ZNF503: variants seen among roughly 807,000 people sequenced by gnomAD.
ZNF503 encodes zinc finger protein 503, also known as NocA-like zinc finger 2.
ZNF503 carries 15 observed loss-of-function variants against 34.4 expected under a neutral mutation model. The observed-to-expected ratio is 0.44, with a 90% CI of 0.29 to 0.67. The LOEUF (loss-of-function observed/expected upper bound fraction) is 0.67, where lower values mean the gene tolerates loss of function less well. Among genes scored for constraint, ZNF503 ranks in the 30% least tolerant of loss-of-function variants. The pLI is 0.13. For synonymous variants in ZNF503, 580 were observed against 456.8 expected, an observed-to-expected ratio of 1.27 and a Z score of -3.44; for missense variants, 1,007 against 926.8, an observed-to-expected ratio of 1.09 and a Z score of -1.12.
the ZNF503 span, among the ~76,000 whole-genome samples, chr10:75,336,593 C>T: frequency 1.3e-5 from 2 of 152,154 alleles, no homozygotes; most frequent in Non-Finnish European, 1.5e-5. Flanking sequence ...CTGAAAACAA[C>T]ACCGGTTTAT....
At chr10:75,372,207 C>T in the ZNF503 span, among the ~76,000 whole-genome samples, 1 of 152,254 alleles carries the variant, frequency 6.6e-6, no homozygotes, top group Non-Finnish European at 1.5e-5. Context: ...GCTGGGATTA[C>T]AGGCGTGAGC....
chr10:75,390,057 C>A, the ZNF503 span, among the ~76,000 whole-genome samples: 1 of 152,076 alleles, frequency 6.6e-6, no homozygotes, highest in South Asian at 2.1e-4. Flanking sequence ...CCACGCCCGG[C>A]TAATTTTGTT....
At chr10:75,391,478 G>A in the ZNF503 span, among the ~76,000 whole-genome samples, 97 of 152,316 alleles carry the variant, frequency 6.4e-4, no homozygotes, top group African/African-American at 2.3e-3. Flanking sequence ...GCTCCCCCAA[G>A]CCTGGACTGC....
rs1247056764 is a variant in ZNF503 at position 75,399,752 on chromosome 10, C to G, written c.938G>C (p.Gly313Ala). ...GGKALGSDCG[G>A]SSGSSSGSGP... ...GGAGCCGGAGCTGGAGCCCGATGAA[C>G]CGCCGCAGTCCGAGCCCAGAGCCTT... The change falls in exon 2 of 2, where the codon GGT becomes GCT. Residue 313 changes from glycine (G) to alanine (A), a missense_variant. Transcript: ENST00000372524. The G allele has an allele frequency of 6.3e-7, 1 of 1,592,008 alleles. No homozygotes were observed.
At chr10:75,381,408 G>A in the ZNF503 span, among the ~76,000 whole-genome samples, 4 of 152,020 alleles carry the variant, frequency 2.6e-5, no homozygotes, top group Non-Finnish European at 5.9e-5. Flanking sequence ...GGTAATTTTT[G>A]TAGAGATGAG....
chr10:75,283,008 G>C, the ZNF503 span, among the ~76,000 whole-genome samples: 2 of 152,204 alleles, frequency 1.3e-5, no homozygotes, highest in African/African-American at 4.8e-5. Context: ...TTGCATTATG[G>C]AACCTTGAGT....
At chr10:75,308,103 G>A in the ZNF503 span, among the ~76,000 whole-genome samples, 1 of 151,738 alleles carries the variant, frequency 6.6e-6, no homozygotes, top group Non-Finnish European at 1.5e-5. Flanking sequence ...GTTATGCTAT[G>A]CTGAAGAGAG....
chr10:75,351,481 C>T, the ZNF503 span, among the ~76,000 whole-genome samples: 1 of 152,174 alleles, frequency 6.6e-6, no homozygotes, highest in South Asian at 2.1e-4. Context: ...CAGGAGGTGG[C>T]ATTTTTGAGG....
chr10:75,300,528 C>T, the ZNF503 span, among the ~76,000 whole-genome samples: 1 of 151,992 alleles, frequency 6.6e-6, no homozygotes, highest in South Asian at 2.1e-4. Flanking sequence ...TCACAGTTTA[C>T]GTTTAGAGAT....
In ZNF503 at chr10:75,400,066, C is replaced by G. The variant is rs1422353181; in HGVS notation, c.624G>C (p.Glu208Asp). 6.4e-7 allele frequency: 1 copy of G among 1,574,358 alleles called. No homozygotes were observed. The highest frequency in any genetic ancestry group is 1.8e-5 in the Admixed American group (1 of 55,292). Residue 208 changes from glutamate to aspartate, a missense_variant, in exon 2 of 2, where the codon GAG becomes GAC. Physicochemically the swap from Glu to Asp is conservative, Grantham distance 45 (BLOSUM62 2). Transcript: ENST00000372524. The stretch of plus-strand genomic sequence containing the variant: ...CGCTCGGTACCCGGAATCCCGACTT[C>G]TCCGACGAAACACCCCCGCCGCCGC... ...GGGGGGGVSS[E>D]KSGFRVPSAT...
chr10:75,330,521 C>A, the ZNF503 span, among the ~76,000 whole-genome samples: 16 of 152,126 alleles, frequency 1.1e-4, no homozygotes, highest in African/African-American at 3.6e-4. Context: ...CAGATTGAAT[C>A]TTGTTACTTG....
chr10:75,401,776 T>G (rs1843832062), upstream of ZNF503: 4 of 300,690 alleles, frequency 1.3e-5, no homozygotes, highest in Non-Finnish European at 2.4e-5. Context: ...GCGAGGAAAC[T>G]CACTTCAAAA....
the ZNF503 span, among the ~76,000 whole-genome samples, chr10:75,337,774 T>C: frequency 6.6e-6 from 1 of 152,286 alleles, no homozygotes; most frequent in East Asian, 1.9e-4. Context: ...ACCACTTAGG[T>C]TCAGTGGACC....
In ZNF503 at chr10:75,399,242, G is replaced by A. The variant is rs1206280988; in HGVS notation, c.1448C>T (p.Thr483Met). The change falls in exon 2 of 2, where the codon ACG becomes ATG. Residue 483 changes from threonine (T) to methionine (M), a missense_variant. Coordinates refer to ENST00000372524, the MANE Select transcript of ZNF503 (RefSeq NM_032772.6). Reference sequence around the variant, plus strand: ...TGTGGCGCCAGCAGCCGCGGCGGCCGTTAGCGAGGAGTGCACACCGTGCAG... The same window carrying A: ...TGTGGCGCCAGCAGCCGCGGCGGCCATTAGCGAGGAGTGCACACCGTGCAG... The part of the protein sequence containing the change: ...HPLHGVHSSL[T>M]AAAAAGATPP... 6.3e-7 allele frequency: 1 copy of A among 1,591,628 alleles called. No homozygotes were observed. The highest frequency in any genetic ancestry group is 2.3e-5 in the East Asian group (1 of 44,410).
chr10:75,393,056 T>G (rs897393020), downstream of ZNF503, among the ~76,000 whole-genome samples: 2 of 152,200 alleles, frequency 1.3e-5, no homozygotes, highest in African/African-American at 4.8e-5. Context: ...TATGCTGGTC[T>G]CACTCTAGGA....
chr10:75,396,376 T>C (rs1001518971), downstream of ZNF503, among the ~76,000 whole-genome samples: 14 of 151,522 alleles, frequency 9.2e-5, no homozygotes, highest in African/African-American at 3.4e-4. The surrounding 1 kb of genome is among the most constrained non-coding windows in gnomAD (Gnocchi z 4.4). Context: ...GGAGCCAGAG[T>C]CCCCACCAAG....
rs1363630010 is a variant in ZNF503, at chr10:75,400,048, T to C, written c.642A>G (p.Val214=). ...GVSSEKSGFR[V]PSATCQPFTP... is the part of the protein sequence containing the mutation. ...TGAATGGCTGGCAGGTGGCGCTCGG[T>C]ACCCGGAATCCCGACTTCTCCGACG... The change falls in exon 2 of 2, where the codon GTA becomes GTG. Residue 214 remains valine, a synonymous_variant. Transcript: ENST00000372524. The C allele has an allele frequency of 1.3e-6, 2 of 1,591,998 alleles. No homozygotes were observed. The highest frequency in any genetic ancestry group is 1.7e-6 in the Non-Finnish European group (2 of 1,172,880).
At chr10:75,373,849 C>T in the ZNF503 span, among the ~76,000 whole-genome samples, 2 of 152,190 alleles carry the variant, frequency 1.3e-5, no homozygotes, top group Non-Finnish European at 2.9e-5. Flanking sequence ...GTTTCCTGCC[C>T]ATCTCCAGCT....
intron 1 of ZNF503, 143 bp downstream of exon 1, chr10:75,400,962 G>A: frequency 3.2e-6 from 4 of 1,236,310 alleles, no homozygotes; most frequent in Non-Finnish European, 4.5e-6. Flanking sequence ...TAGTTTTGAG[G>A]TACGGAAGCA....
Sources: gnomAD v4.1 joint callset for allele counts (sites outside exome capture counted in the v4.1 genomes callset) on GRCh38, gnomAD v4.1.1 for gene constraint, Gnocchi (gnomAD v3.1) non-coding constraint, MANE v1.5 for transcripts, NCBI Gene and HGNC (gene_info 2026-07-23, HGNC 2026-07-21) for gene names.